The following INPP4B variants were observed in gnomAD, a reference collection of about 807,000 sequenced individuals.
INPP4B encodes inositol polyphosphate-4-phosphatase type II B.
In INPP4B, 55 loss-of-function variants were observed where a neutral mutation model predicts 122.5. The observed-to-expected ratio is 0.45, with a 90% CI of 0.36 to 0.56. The LOEUF is 0.56. Among genes scored for constraint, INPP4B ranks in the 20% least tolerant of loss-of-function variants. INPP4B has a pLI of 0.00. For synonymous variants in INPP4B, 403 were observed against 388.7 expected, an observed-to-expected ratio of 1.04 and a Z score of -0.43; for missense variants, 1,000 against 1,097.7, an observed-to-expected ratio of 0.91 and a Z score of 1.26.
intron 2 of INPP4B, among the ~76,000 whole-genome samples, chr4:142,554,899 G>A (rs79077878): frequency 0.011 from 1,740 of 152,208 alleles, 29 homozygotes; most frequent in African/African-American, 0.039. Context: ...GAGCTTCAGC[G>A]GATGCTATTC....
At chr4:142,263,645 T>TAA (rs1741277348) in intron 10 of INPP4B, among the ~76,000 whole-genome samples, 2 of 55,136 alleles carry the variant, frequency 3.6e-5, no homozygotes, top group African/African-American at 1.8e-4. Flanking sequence ...GTAAAATATA[T>TAA]ATATATATAT....
intron 11 of INPP4B, among the ~76,000 whole-genome samples, chr4:142,244,708 T>C (rs1727010981): frequency 6.6e-6 from 1 of 152,188 alleles, no homozygotes; most frequent in Non-Finnish European, 1.5e-5. Context: ...TGTGTCTTTA[T>C]AGTAGAATGA....
chr4:142,846,058 G>A lies in INPP4B; in HGVS notation c.-254+151C>T, dbSNP rs1784166594. Among the ~76,000 whole-genome samples, 1 of 151,964 alleles carries A rather than the reference G, an allele frequency of 6.6e-6. No individual in the cohort carries two copies. The highest frequency in any genetic ancestry group is 2.4e-5 in the African/African-American group (1 of 41,384). On this transcript the variant is annotated intron_variant, in intron 1 of 25. Transcript: ENST00000262992. The surrounding 1 kb of genome is among the most constrained non-coding windows in gnomAD (Gnocchi z 5.1). ...GGGGTGATGGAGGCTGCAAGACGGA[G>A]AAACTTGATGCAAAACAGACAGGCT...
chr4:142,409,441 C>T (rs994153772), intron 5 of INPP4B, among the ~76,000 whole-genome samples: 4 of 151,954 alleles, frequency 2.6e-5, no homozygotes, highest in African/African-American at 9.6e-5. Context: ...TGCAGTGAGC[C>T]GAGATTGCGT....
intron 25 of INPP4B, among the ~76,000 whole-genome samples, chr4:142,066,617 C>A (rs1763627187): frequency 6.6e-6 from 1 of 152,238 alleles, no homozygotes; most frequent in South Asian, 2.1e-4. Flanking sequence ...TCGGGATACT[C>A]TGACCCTAAT....
chr4:142,222,998 A>T (rs1285947779), intron 12 of INPP4B, among the ~76,000 whole-genome samples: 1 of 150,024 alleles, frequency 6.7e-6, no homozygotes, highest in Non-Finnish European at 1.5e-5. Context: ...TGAATCTGTG[A>T]ACTACATTTT....
chr4:142,023,182 TAAAC>T lies in INPP4B; in HGVS notation c.*5596_*5599del, dbSNP rs1736001733. On this transcript the variant is annotated 3_prime_UTR_variant, in exon 26 of 26. Coordinates refer to ENST00000262992, the MANE Select transcript of INPP4B (RefSeq NM_001101669.3). ...ACATAAAAAATAAAAATCATTTATT[TAAAC>T]AAAAATATACACACAGTGTACAATG... The T allele has an allele frequency of 1.3e-5, 2 of 152,236 alleles. No individual in the cohort carries two copies. The highest frequency in any genetic ancestry group is 1.3e-4 in the Admixed American group (2 of 15,288). The allele number at this position is 152,236 out of a possible 1,614,324, so 9.4% of individuals were successfully genotyped here.
At chr4:142,072,003 T>A (rs1578803809) in intron 25 of INPP4B, among the ~76,000 whole-genome samples, 1 of 152,198 alleles carries the variant, frequency 6.6e-6, no homozygotes, top group South Asian at 2.1e-4. Flanking sequence ...ACCCAAAGGA[T>A]TATAAATCAT....
At chr4:142,136,789 G>C (rs1381620233) in intron 18 of INPP4B, among the ~76,000 whole-genome samples, 1 of 152,132 alleles carries the variant, frequency 6.6e-6, no homozygotes, top group Non-Finnish European at 1.5e-5. Flanking sequence ...TGAAGTATAA[G>C]TTATGACTAT....
At position 142,024,931 on chromosome 4, in the gene INPP4B, A is replaced by G. The variant is rs1410190440; in HGVS notation, c.*3851T>C. On this transcript the variant is annotated 3_prime_UTR_variant, in exon 26 of 26. Transcript: ENST00000262992. ...ATTTAATTATGAATAAAATATAGTC[A>G]TCAAATATGACTTTTAACCTAATAG... 2 of 152,194 alleles carry G rather than the reference A, an allele frequency of 1.3e-5. No individual in the cohort carries two copies. Among genetic ancestry groups the G allele is most frequent in the African/African-American group, 4.8e-5 (2 of 41,464 alleles). The allele number at this position is 152,194 out of a possible 1,614,324, so 9.4% of individuals were successfully genotyped here.
chr4:142,247,989 G>C (rs1428181919), intron 11 of INPP4B, among the ~76,000 whole-genome samples: 1 of 152,070 alleles, frequency 6.6e-6, no homozygotes, highest in Non-Finnish European at 1.5e-5. Context: ...GTATGGAAGA[G>C]CCTCTGTGTG....
At chr4:142,529,097 C>T (rs979436953) in intron 2 of INPP4B, among the ~76,000 whole-genome samples, 5 of 151,996 alleles carry the variant, frequency 3.3e-5, no homozygotes, top group Admixed American at 2.0e-4. Context: ...TTCTCCTATC[C>T]ATGAAACCAC....
intron 2 of INPP4B, among the ~76,000 whole-genome samples, chr4:142,630,468 T>A (rs915829589): frequency 2.6e-5 from 4 of 152,098 alleles, no homozygotes; most frequent in African/African-American, 9.7e-5. Context: ...AGCATTCAGG[T>A]TTTTAACATG....
intron 17 of INPP4B, among the ~76,000 whole-genome samples, chr4:142,148,510 A>T (rs1235723083): frequency 2.0e-5 from 3 of 152,190 alleles, no homozygotes; most frequent in African/African-American, 7.2e-5. Flanking sequence ...CCACTGCACC[A>T]AAGGGAACTT....
At chr4:142,416,837 GTTGACTC>G (rs1805878015) in intron 5 of INPP4B, among the ~76,000 whole-genome samples, 1 of 152,140 alleles carries the variant, frequency 6.6e-6, no homozygotes. Context: ...TCATAAGATA[GTTGACTC>G]ACAGGAAATA....
rs993725102 is a variant in INPP4B, at chr4:142,028,873, C to T, written c.2684G>A (p.Cys895Tyr). 1 of 1,613,492 alleles carries T rather than the reference C, an allele frequency of 6.2e-7. No homozygotes were observed. Residue 895 changes from cysteine to tyrosine, a missense_variant, in exon 26 of 26, where the codon TGC (cysteine) becomes TAC (tyrosine). Transcript: ENST00000262992. The part of the protein sequence containing the change: ...RIENVLKNIK[C>Y]RKYAFNMLQL... Reference sequence around the variant, plus strand: ...TAGCATGTTGAAAGCATACTTTCTGCATTTGATATTCTTCAGTACATTCTC... The same window carrying T: ...TAGCATGTTGAAAGCATACTTTCTGTATTTGATATTCTTCAGTACATTCTC...
At chr4:142,037,650 C>T (rs1041803539) in intron 25 of INPP4B, among the ~76,000 whole-genome samples, 1 of 152,132 alleles carries the variant, frequency 6.6e-6, no homozygotes, top group Non-Finnish European at 1.5e-5. Context: ...GGTATACCAT[C>T]CTGAAATTAC....
At chr4:142,097,102 A>T (rs1782147665) in intron 23 of INPP4B, among the ~76,000 whole-genome samples, 1 of 152,040 alleles carries the variant, frequency 6.6e-6, no homozygotes, top group African/African-American at 2.4e-5. Context: ...TAATTTAGAC[A>T]CTATAGATTA....
chr4:142,381,059 C>T (rs1793921813), intron 7 of INPP4B, among the ~76,000 whole-genome samples: 2 of 152,102 alleles, frequency 1.3e-5, no homozygotes, highest in Non-Finnish European at 2.9e-5. Flanking sequence ...AAGCAATACT[C>T]AACCACGATT....
Sources: gnomAD v4.1 joint callset for allele counts (sites outside exome capture counted in the v4.1 genomes callset) on GRCh38, gnomAD v4.1.1 for gene constraint, Gnocchi (gnomAD v3.1) non-coding constraint, MANE v1.5 for transcripts, NCBI Gene and HGNC (gene_info 2026-07-23, HGNC 2026-07-21) for gene names.